The following SGCZ variants were observed in gnomAD, a reference collection of about 807,000 sequenced individuals.
SGCZ encodes the protein sarcoglycan zeta.
SGCZ carries 40 observed loss-of-function variants against 41.3 expected under a neutral mutation model. The ratio of observed to expected loss-of-function variants is 0.97; its 90% CI spans 0.75 to 1.26. The LOEUF (loss-of-function observed/expected upper bound fraction) is 1.26, where lower values mean the gene tolerates loss of function less well. Among genes scored for constraint, SGCZ ranks in the 50% most tolerant of loss-of-function variants. The pLI is 0.00. For synonymous variants in SGCZ, 206 were observed against 137.5 expected (o/e 1.50, Z -3.49); for missense variants, 552 against 369.8 (o/e 1.49, Z -4.04).
intron 1 of SGCZ, among the ~76,000 whole-genome samples, chr8:14,557,644 G>T (rs1001710827): frequency 2.0e-5 from 3 of 151,880 alleles, no homozygotes; most frequent in African/African-American, 7.3e-5. Flanking sequence ...CCTACACATG[G>T]CTTGCCAATT....
rs111931141 is a variant in SGCZ at position 15,059,574 on chromosome 8, G to A, written c.39+178011C>T. On this transcript the variant is annotated intron_variant, in intron 1 of 7. Transcript: ENST00000382080. ...CTAGTTTAATATTGCAAAGTTATAA[G>A]AATGTAAGAAATCATTACTTGAAAT... Among the ~76,000 whole-genome samples, 294 of 152,270 alleles carry A rather than the reference G, an allele frequency of 1.9e-3. 2 individuals are homozygous for A. The highest frequency in any genetic ancestry group is 6.7e-3 in the African/African-American group (279 of 41,566).
chr8:14,946,005 CATATATATATATAT>C (rs34647526), intron 1 of SGCZ, among the ~76,000 whole-genome samples: 390 of 14,878 alleles, frequency 0.026, 9 homozygotes, highest in African/African-American at 0.053. Flanking sequence ...TAAATGTCCC[CATATATATATATAT>C]ATATATATAT....
chr8:14,853,663 A>C (rs1803431713), intron 1 of SGCZ, among the ~76,000 whole-genome samples: 1 of 152,180 alleles, frequency 6.6e-6, no homozygotes, highest in South Asian at 2.1e-4. Flanking sequence ...AATCATTGGC[A>C]GTTCCTAGAA....
At chr8:14,313,910 CTGTGTGTGTGTGTG>C (rs34489718) in intron 3 of SGCZ, among the ~76,000 whole-genome samples, 7,647 of 144,898 alleles carry the variant, frequency 0.053, 268 homozygotes, top group Admixed American at 0.085. Flanking sequence ...TATCATCTCT[CTGTGTGTGTGTGTG>C]TGTGTGTGTG....
At chr8:14,708,185 A>C (rs1809391922) in intron 1 of SGCZ, among the ~76,000 whole-genome samples, 1 of 151,954 alleles carries the variant, frequency 6.6e-6, no homozygotes, top group Non-Finnish European at 1.5e-5. Flanking sequence ...GATTTTGTCT[A>C]CAATAATTTT....
At chr8:15,047,699 T>C (rs1255213063) in intron 1 of SGCZ, among the ~76,000 whole-genome samples, 2 of 152,070 alleles carry the variant, frequency 1.3e-5, no homozygotes, top group African/African-American at 2.4e-5. Context: ...GAACATTCTA[T>C]TATTATTGTC....
rs60624490 is a variant in SGCZ, at chr8:15,015,726, C to CGTGT, written c.39+221855_39+221858dup. Among the ~76,000 whole-genome samples, 927 of 125,154 alleles carry CGTGT rather than the reference C, an allele frequency of 7.4e-3. 8 individuals are homozygous for CGTGT. The highest frequency in any genetic ancestry group is 0.021 in the African/African-American group (734 of 34,528). The allele number at this position is 125,154 out of a possible 152,430, so 82.1% of individuals were successfully genotyped here. A position where few individuals can be genotyped will look rare whatever the true frequency, so the allele number is the denominator to read the frequency against. On this transcript the variant is annotated intron_variant, in intron 1 of 7. Coordinates refer to ENST00000382080, the MANE Select transcript of SGCZ (RefSeq NM_139167.4). ...AAAGAAAAGAAAAAAGAAATATACA[C>CGTGT]GTGTGTGTGTGTGTGTGTGTGTGTG...
rs146455543 is a variant in SGCZ, at chr8:15,024,017, A to C, written c.39+213568T>G. Reference sequence around the variant, plus strand: ...ATTTAAGCCATTAAGTAATAATATTAGAAAAAGATCATTACAAAAGTTAAC... The same window carrying C: ...ATTTAAGCCATTAAGTAATAATATTCGAAAAAGATCATTACAAAAGTTAAC... On this transcript the variant is annotated intron_variant, in intron 1 of 7. Transcript: ENST00000382080. Among the ~76,000 whole-genome samples, 288 of 152,392 alleles carry C rather than the reference A, an allele frequency of 1.9e-3. 1 individual carries two copies. Among genetic ancestry groups the C allele is most frequent in the African/African-American group, 6.5e-3 (272 of 41,596 alleles).
chr8:15,014,696 A>G lies in SGCZ; in HGVS notation c.39+222889T>C, dbSNP rs184729560. On this transcript the variant is annotated intron_variant, in intron 1 of 7. Transcript: ENST00000382080. ...CCATATGGCTAGTCCTTCAGTGCAC[A>G]CTAATCACCAAAGCTGAAGGTGTTT... is the stretch of plus-strand genomic sequence containing the variant. 4.9e-4 allele frequency among the ~76,000 whole-genome samples: 75 copies of G among 152,304 alleles called. No homozygotes were observed. In the East Asian group the frequency reaches 0.013, roughly 26 times the overall value.
chr8:14,357,318 C>T (rs1803335210), intron 2 of SGCZ, among the ~76,000 whole-genome samples: 1 of 152,096 alleles, frequency 6.6e-6, no homozygotes, highest in African/African-American at 2.4e-5. Flanking sequence ...TGATAAGCAT[C>T]TCAGTACACT....
intron 1 of SGCZ, among the ~76,000 whole-genome samples, chr8:14,717,868 T>G (rs1425582877): frequency 6.6e-6 from 1 of 152,164 alleles, no homozygotes; most frequent in East Asian, 1.9e-4. Context: ...CTCCTATAAC[T>G]GTGATTTTCC....
intron 1 of SGCZ, among the ~76,000 whole-genome samples, chr8:14,712,732 T>C (rs777570429): frequency 3.3e-5 from 5 of 152,158 alleles, no homozygotes; most frequent in Non-Finnish European, 5.9e-5. Context: ...ATTTTCCTGG[T>C]TATTTACTGC....
At chr8:14,134,965 C>T (rs941692193) in intron 5 of SGCZ, among the ~76,000 whole-genome samples, 2 of 152,058 alleles carry the variant, frequency 1.3e-5, no homozygotes, top group African/African-American at 2.4e-5. Context: ...CACACAGTAG[C>T]GTATCCACTT....
chr8:14,876,016 C>G (rs1804345191), intron 1 of SGCZ, among the ~76,000 whole-genome samples: 1 of 152,158 alleles, frequency 6.6e-6, no homozygotes, highest in African/African-American at 2.4e-5. Context: ...TGGTAATTAA[C>G]AAAAGCCACA....
intron 1 of SGCZ, among the ~76,000 whole-genome samples, chr8:14,860,696 G>A (rs892493852): frequency 3.6e-5 from 4 of 109,698 alleles, no homozygotes; most frequent in Non-Finnish European, 7.0e-5. Flanking sequence ...AAGAAAGAAG[G>A]AAAGAAAGAA....
intron 1 of SGCZ, among the ~76,000 whole-genome samples, chr8:14,772,558 C>T (rs901873785): frequency 3.4e-5 from 5 of 147,764 alleles, no homozygotes; most frequent in African/African-American, 1.2e-4. Flanking sequence ...AGGTATATCT[C>T]CTAATGCTCT....
chr8:14,213,746 TAA>T (rs1428026435), intron 4 of SGCZ, among the ~76,000 whole-genome samples: 2 of 152,086 alleles, frequency 1.3e-5, no homozygotes, highest in Non-Finnish European at 1.5e-5. Flanking sequence ...ATAAAATACT[TAA>T]GACTTAAATA....
At chr8:15,115,218 G>A (rs368314884) in intron 1 of SGCZ, among the ~76,000 whole-genome samples, 2 of 152,076 alleles carry the variant, frequency 1.3e-5, no homozygotes, top group Non-Finnish European at 2.9e-5. Context: ...CATGCCTTCC[G>A]AGCTATCAAA....
intron 1 of SGCZ, among the ~76,000 whole-genome samples, chr8:15,031,351 G>GT (rs1369274397): frequency 6.6e-6 from 1 of 152,124 alleles, no homozygotes; most frequent in Non-Finnish European, 1.5e-5. Flanking sequence ...TTGACTAGTA[G>GT]TGTCTGCCAC....
Sources: allele counts gnomAD v4.1 joint callset (sites outside exome capture counted in the v4.1 genomes callset), GRCh38; gene constraint gnomAD v4.1.1; transcripts MANE v1.5; gene names NCBI Gene and HGNC (gene_info 2026-07-23, HGNC 2026-07-21).